The following VRK2 variants were observed in gnomAD, a reference collection of about 807,000 sequenced individuals.
VRK2 encodes VRK serine/threonine kinase 2.
VRK2 carries 60 observed loss-of-function variants against 57.6 expected under a neutral mutation model. The ratio of observed to expected loss-of-function variants is 1.04; its 90% CI spans 0.85 to 1.29. The LOEUF is 1.29. VRK2 is among the 50% of genes most tolerant of loss of function. VRK2 has a pLI of 0.00. For synonymous variants in VRK2, 231 were observed against 199.2 expected, an observed-to-expected ratio of 1.16 and a Z score of -1.35; for missense variants, 705 against 588.1, an observed-to-expected ratio of 1.20 and a Z score of -2.06.
At chr2:57,952,165 A>G (rs1271566638) in intron 1 of VRK2, among the ~76,000 whole-genome samples, 2 of 151,930 alleles carry the variant, frequency 1.3e-5, no homozygotes, top group African/African-American at 4.8e-5. Flanking sequence ...TCTATTGCAC[A>G]CTTAATAGAC....
chr2:58,095,165 G>A (rs2104290663), intron 7 of VRK2, among the ~76,000 whole-genome samples: 1 of 152,088 alleles, frequency 6.6e-6, no homozygotes, highest in African/African-American at 2.4e-5. Context: ...GTGGTGGCAG[G>A]TGCCTGTAGT....
intron 1 of VRK2, among the ~76,000 whole-genome samples, chr2:57,929,452 A>G (rs1160257310): frequency 6.6e-6 from 1 of 152,096 alleles, no homozygotes; most frequent in Non-Finnish European, 1.5e-5. Flanking sequence ...TCCCTTAAGG[A>G]AAGTGGGGTT....
intron 2 of VRK2, among the ~76,000 whole-genome samples, chr2:58,031,412 G>C (rs568475024): frequency 6.6e-6 from 1 of 152,108 alleles, no homozygotes; most frequent in Admixed American, 6.6e-5. Flanking sequence ...ATATTTTTTA[G>C]TGGTAAGAAG....
rs2717044 is a variant in VRK2, at chr2:57,955,756, A to C, written c.-439+47917A>C. Among the ~76,000 whole-genome samples, 796 of 152,328 alleles carry C rather than the reference A, an allele frequency of 5.2e-3. 9 individuals are homozygous for C. Among genetic ancestry groups the C allele is most frequent in the Non-Finnish European group, 6.7e-3 (454 of 68,024 alleles). On this transcript the variant is annotated intron_variant, in intron 1 of 15. Coordinates refer to the VRK2 transcript ENST00000417641. ...ACATGTATCCTGGAACTTAAAATAGAATTAAATTTTTTAAATAAAATTTAC... is the reference window on the plus strand; with the variant it reads ...ACATGTATCCTGGAACTTAAAATAGCATTAAATTTTTTAAATAAAATTTAC...
chr2:57,966,012 C>A (rs892265378), intron 1 of VRK2, among the ~76,000 whole-genome samples: 1 of 152,168 alleles, frequency 6.6e-6, no homozygotes, highest in Admixed American at 6.5e-5. Flanking sequence ...GACATACATT[C>A]AGAAGCTTTA....
At chr2:58,153,526 T>G (rs916856478) in intron 12 of VRK2, among the ~76,000 whole-genome samples, 101 of 152,096 alleles carry the variant, frequency 6.6e-4, no homozygotes, top group African/African-American at 2.4e-3. Flanking sequence ...GGTTTGTGGT[T>G]GAATATTAAA....
chr2:57,941,401 A>G (rs1671089695), intron 1 of VRK2, among the ~76,000 whole-genome samples: 1 of 152,190 alleles, frequency 6.6e-6, no homozygotes, highest in Non-Finnish European at 1.5e-5. Context: ...ATCTACCATG[A>G]GCACCCGAAA....
intron 1 of VRK2, among the ~76,000 whole-genome samples, chr2:57,969,759 C>A (rs1203138674): frequency 6.6e-6 from 1 of 152,062 alleles, no homozygotes; most frequent in Non-Finnish European, 1.5e-5. Flanking sequence ...TCTTGTATTG[C>A]GGTCAGCTGA....
chr2:57,994,935 TTTTG>T (rs1463249181), intron 1 of VRK2, among the ~76,000 whole-genome samples: 1 of 152,214 alleles, frequency 6.6e-6, no homozygotes, highest in Non-Finnish European at 1.5e-5. Flanking sequence ...GACAGCTGAA[TTTTG>T]TTTCTGTATT....
rs540075813 is a variant in VRK2 at position 57,964,408 on chromosome 2, G to A, written c.-439+56569G>A. Among the ~76,000 whole-genome samples, 12 of 152,236 alleles carry A rather than the reference G, an allele frequency of 7.9e-5. No homozygotes were observed. In the East Asian group the frequency reaches 2.3e-3, roughly 29 times the overall value. On this transcript the variant is annotated intron_variant, in intron 1 of 15. Coordinates refer to the VRK2 transcript ENST00000417641. ...AGTAGACTGAAGAGGAGTAGGAAGA[G>A]GAGGAGTTGGTCTTGCTGTCTCAAG... is the stretch of plus-strand genomic sequence containing the variant.
At chr2:57,991,889 C>A (rs988237466) in intron 1 of VRK2, among the ~76,000 whole-genome samples, 2 of 149,158 alleles carry the variant, frequency 1.3e-5, no homozygotes, top group African/African-American at 5.0e-5. Flanking sequence ...ACTCGGGAGG[C>A]GGAGGTTGCA....
intron 2 of VRK2, among the ~76,000 whole-genome samples, chr2:58,076,822 T>A (rs1021232251): frequency 6.6e-6 from 1 of 151,968 alleles, no homozygotes; most frequent in African/African-American, 2.4e-5. Flanking sequence ...CCTATTTTGT[T>A]TGTTTTTATA....
chr2:58,101,715 G>T (rs934599107), intron 7 of VRK2, among the ~76,000 whole-genome samples: 12 of 151,548 alleles, frequency 7.9e-5, no homozygotes, highest in African/African-American at 2.9e-4. Context: ...GGGTAGAACT[G>T]GTTGTTAGCT....
At chr2:57,912,752 A>C (rs1670028277) in intron 1 of VRK2, among the ~76,000 whole-genome samples, 1 of 152,212 alleles carries the variant, frequency 6.6e-6, no homozygotes, top group Non-Finnish European at 1.5e-5. Flanking sequence ...TAACTCATAC[A>C]AATTGCTTAG....
chr2:58,038,194 T>A (rs1320224690), intron 3 of VRK2, among the ~76,000 whole-genome samples: 1 of 151,984 alleles, frequency 6.6e-6, no homozygotes. Flanking sequence ...CATGGGGGTG[T>A]TTTCCCCCAT....
At chr2:58,118,951 G>C (rs1402159893) in intron 7 of VRK2, among the ~76,000 whole-genome samples, 3 of 152,170 alleles carry the variant, frequency 2.0e-5, no homozygotes, top group Non-Finnish European at 2.9e-5. Flanking sequence ...GAAATTCACA[G>C]GGTTAATCAC....
chr2:58,094,930 G>A (rs1452871570), intron 7 of VRK2, among the ~76,000 whole-genome samples: 1 of 152,112 alleles, frequency 6.6e-6, no homozygotes, highest in Non-Finnish European at 1.5e-5. Flanking sequence ...GTTCCCTGTA[G>A]TTCTCCGTTT....
intron 7 of VRK2, 51 bp from the exon 8 acceptor site, chr2:58,123,048 TTA>T (rs1677760583): frequency 6.4e-7 from 1 of 1,552,284 alleles, no homozygotes; most frequent in South Asian, 1.2e-5. Flanking sequence ...ATTATAAAGG[TTA>T]TGTTTTCAGA....
At chr2:57,999,580 T>C (rs568277260) in intron 1 of VRK2, among the ~76,000 whole-genome samples, 1 of 152,196 alleles carries the variant, frequency 6.6e-6, no homozygotes, top group East Asian at 1.9e-4. Flanking sequence ...CCTATAAAAT[T>C]TACATAAATA....
Sources: allele counts gnomAD v4.1 joint callset (sites outside exome capture counted in the v4.1 genomes callset), GRCh38; gene constraint gnomAD v4.1.1; transcripts MANE v1.5; gene names NCBI Gene and HGNC (gene_info 2026-07-23, HGNC 2026-07-21).